Variants in SYVN1 observed in about 807,000 individuals in gnomAD.
SYVN1 encodes the protein synoviolin 1.
Under a neutral mutation model 62.6 loss-of-function variants are expected in SYVN1, and 17 were observed. The observed-to-expected ratio is 0.27, with a 90% CI of 0.19 to 0.41. The LOEUF (loss-of-function observed/expected upper bound fraction) is 0.41. Ranked by LOEUF, SYVN1 falls within the 10% of genes least tolerant of loss-of-function variation. The pLI, the probability that SYVN1 is intolerant of heterozygous loss-of-function variation, is 1.00. For synonymous variants in SYVN1, 316 were observed against 304.0 expected, an observed-to-expected ratio of 1.04 and a Z score of -0.41; for missense variants, 634 against 818.0, an observed-to-expected ratio of 0.78 and a Z score of 2.74.
chr11:65,131,274 C>T lies in SYVN1; in HGVS notation c.758G>A (p.Arg253Lys). Residue 253 changes from arginine to lysine, a missense_variant and splice_region_variant, in exon 8 of 16, where the codon AGA (arginine) becomes AAA (lysine). By Grantham distance (26) the Arg-to-Lys change is conservative (BLOSUM62 2). Around this residue, in one of 2 missense-constraint regions of SYVN1, gnomAD observed 283 missense variants for 444.7 expected, o/e 0.64. Coordinates refer to ENST00000377190, the MANE Select transcript of SYVN1 (RefSeq NM_172230.3). Reference protein sequence around the residue: ...FAIRPMYLAMRQFKKAVTDAI... With the variant: ...FAIRPMYLAMKQFKKAVTDAI... ...GATCGGGGGACAGGGCCGGGCTCAC[C>T]TCATGGCCAGGTACATGGGCCGGAT... 6.2e-7 allele frequency: 1 copy of T among 1,614,076 alleles called. No homozygotes were observed. Among genetic ancestry groups the T allele is most frequent in the Non-Finnish European group, 8.5e-7 (1 of 1,179,974 alleles).
chr11:65,132,476 C>G (rs1948193819), intron 5 of SYVN1, 125 bp from the exon 6 acceptor site: 2 of 772,696 alleles, frequency 2.6e-6, no homozygotes, highest in Non-Finnish European at 4.3e-6. Context: ...GGTGGGCACA[C>G]TCCACTGAAC....
chr11:65,129,734 G>A lies in SYVN1; in HGVS notation c.1590C>T (p.Ser530=), dbSNP rs1373364321. 1 of 1,614,146 alleles carries A rather than the reference G, an allele frequency of 6.2e-7. No homozygotes were observed. The highest frequency in any genetic ancestry group is 8.5e-7 in the Non-Finnish European group (1 of 1,179,970). The stretch of plus-strand genomic sequence containing the variant: ...CTTCCCCTGTACAGACACACCCCAA[G>A]GAGGCCAGCACGGTGAGGTACTGGT... ...QINQYLTVLA[S]LGPPRPATSV... Residue 530 remains serine (S), a synonymous_variant, in exon 14 of 16, where the codon TCC becomes TCT. Transcript: ENST00000377190.
chr11:65,128,270 T>A lies in SYVN1; in HGVS notation c.*112A>T. The stretch of plus-strand genomic sequence containing the variant: ...GGGGATGCCGCCTCTTTCTCAGAGC[T>A]GGGGGTACTACTCCCTGGTGCAGAC... On this transcript the variant is annotated 3_prime_UTR_variant, in exon 16 of 16. Coordinates refer to ENST00000377190, the MANE Select transcript of SYVN1 (RefSeq NM_172230.3). 1 of 885,750 alleles carries A rather than the reference T, an allele frequency of 1.1e-6. No homozygotes were observed. Among genetic ancestry groups the A allele is most frequent in the East Asian group, 2.6e-5 (1 of 37,954 alleles). The allele number at this position is 885,750 out of a possible 1,614,324, so 54.9% of individuals were successfully genotyped here. A position where few individuals can be genotyped will look rare whatever the true frequency, so the allele number is the denominator to read the frequency against.
intron 1 of SYVN1, 23 bp from the exon 2 acceptor site, chr11:65,133,641 T>C (rs1480473055): frequency 1.3e-5 from 20 of 1,592,370 alleles, no homozygotes; most frequent in African/African-American, 2.7e-5. Context: ...AGAAAATAAC[T>C]TATGTGATGC....
Position 65,128,132 on chromosome 11 carries a change from A to G in SYVN1, c.*250T>C. On this transcript the variant is annotated 3_prime_UTR_variant, in exon 16 of 16. Transcript: ENST00000377190. ...CTAAACCTTCTGCCTTCATGGCCCC[A>G]GCAGAACACAGGGCTGAAGAGTTGG... The G allele has an allele frequency of 3.4e-6, 2 of 583,750 alleles. No individual in the cohort carries two copies. Among genetic ancestry groups the G allele is most frequent in the Non-Finnish European group, 6.1e-6 (2 of 327,646 alleles). 36.2% of individuals were successfully genotyped at this position (583,750 alleles called of 1,614,324 possible).
At chr11:65,130,223 CT>C in intron 12 of SYVN1, 27 bp downstream of exon 12, 1 of 1,609,560 alleles carries the variant, frequency 6.2e-7, no homozygotes. Context: ...CTGCCGCCCC[CT>C]GGCTGTCACA....
chr11:65,133,521 G>C lies in SYVN1; in HGVS notation c.81C>G (p.His27Gln). ...AVVAHAYYLKHQFYPTVVYLT... is the reference protein window; with the variant it reads ...AVVAHAYYLKQQFYPTVVYLT... Reference sequence around the variant, plus strand: ...GGTACACCACAGTGGGGTAGAACTGGTGTTTGAGGTAGTAGGCGTGAGCCA... The same window carrying C: ...GGTACACCACAGTGGGGTAGAACTGCTGTTTGAGGTAGTAGGCGTGAGCCA... Residue 27 changes from histidine to glutamine, a missense_variant, in exon 2 of 16, where the codon CAC (histidine) becomes CAG (glutamine). This residue lies in a region of SYVN1 where 283 missense variants were observed against 444.7 expected (regional missense o/e 0.64). Transcript: ENST00000377190. The C allele has an allele frequency of 1.2e-6, 2 of 1,613,812 alleles. No homozygotes were observed. Among genetic ancestry groups the C allele is most frequent in the Non-Finnish European group, 1.7e-6 (2 of 1,180,034 alleles).
intron 14 of SYVN1, 73 bp downstream of exon 14, chr11:65,129,656 C>T: frequency 6.8e-7 from 1 of 1,476,206 alleles, no homozygotes; most frequent in Non-Finnish European, 9.4e-7. Context: ...GGCCAAGAAC[C>T]ACTGCTGGGG....
rs1177922712 is a variant in SYVN1, at chr11:65,132,923, A to G, written c.377T>C (p.Phe126Ser). Reference sequence around the variant, plus strand: ...CCAGAACTCCCTGCCTTGACTCACAAAGTCCACACGGTCCTCAGCCAGCCA... The same window carrying G: ...CCAGAACTCCCTGCCTTGACTCACAGAGTCCACACGGTCCTCAGCCAGCCA... The part of the protein sequence containing the change: ...FHWLAEDRVD[F>S]MERSPNISWL... Residue 126 changes from phenylalanine to serine, a missense_variant and splice_region_variant, in exon 4 of 16, where the codon TTT becomes TCT. By Grantham distance (155) the Phe-to-Ser change is radical (BLOSUM62 -2). Transcript: ENST00000377190. 2 of 1,613,980 alleles carry G rather than the reference A, an allele frequency of 1.2e-6. No homozygotes were observed. Among genetic ancestry groups the G allele is most frequent in the African/African-American group, 2.7e-5 (2 of 74,920 alleles).
intron 6 of SYVN1, among the ~76,000 whole-genome samples, chr11:65,131,871 G>A (rs1470409035): frequency 3.9e-5 from 6 of 152,156 alleles, no homozygotes; most frequent in Admixed American, 2.6e-4. Context: ...TCAGCATAGG[G>A]CCTGGTGTGA....
At chr11:65,130,846 G>A (rs781627847) in intron 10 of SYVN1, 23 bp from the exon 11 acceptor site, 1 of 1,596,756 alleles carries the variant, frequency 6.3e-7, no homozygotes, top group African/African-American at 1.3e-5. Flanking sequence ...GCCAGGCAGA[G>A]GTCAGCAGGT....
chr11:65,133,627 G>C lies in SYVN1; in HGVS notation c.-17-9C>G. 3 of 1,601,950 alleles carry C rather than the reference G, an allele frequency of 1.9e-6. No homozygotes were observed. Among genetic ancestry groups the C allele is most frequent in the Non-Finnish European group, 2.5e-6 (3 of 1,177,706 alleles). ...TGCCCTGGCCCGGAGACCTGCATGG[G>C]GCAAGAAAATAACTTATGTGATGCT... On this transcript the variant is annotated splice_polypyrimidine_tract_variant and intron_variant, in intron 1 of 15. Coordinates refer to ENST00000377190, the MANE Select transcript of SYVN1 (RefSeq NM_172230.3).
chr11:65,130,506 G>A (rs1948163620), intron 11 of SYVN1, 127 bp from the exon 12 acceptor site: 2 of 1,399,488 alleles, frequency 1.4e-6, no homozygotes, highest in Non-Finnish European at 1.9e-6. Flanking sequence ...TGGTCACACT[G>A]ACTGCAAGCA....
In SYVN1 at chr11:65,132,752, A is replaced by T; in HGVS notation, c.407T>A (p.Leu136His). Residue 136 changes from leucine to histidine, a missense_variant, in exon 5 of 16, where the codon CTC (leucine) becomes CAC (histidine). By Grantham distance (99) the Leu-to-His change is moderately conservative. Around this residue, in one of 2 missense-constraint regions of SYVN1, gnomAD observed 283 missense variants for 444.7 expected, o/e 0.64. Transcript: ENST00000377190. ...FMERSPNISWLFHCRIVSLMF... is the reference protein window; with the variant it reads ...FMERSPNISWHFHCRIVSLMF... ...CTCACAGACAATGCGGCAGTGAAAG[A>T]GCCAGGAGATGTTGGGGCTGCGTTC... 1 of 1,614,052 alleles carries T rather than the reference A, an allele frequency of 6.2e-7. No individual in the cohort carries two copies. Among genetic ancestry groups the T allele is most frequent in the Non-Finnish European group, 8.5e-7 (1 of 1,180,010 alleles).
At position 65,128,409 on chromosome 11, in the gene SYVN1, C is replaced by A. The variant is rs1213004511; in HGVS notation, c.1827G>T (p.Gln609His). ...DAAELRRRRL[Q>H]KLESPVAH Reference sequence around the variant, plus strand: ...AGTGGGCAACAGGAGACTCCAGCTTCTGCAGGCGGCGCCGGCGGAGCTCTG... The same window carrying A: ...AGTGGGCAACAGGAGACTCCAGCTTATGCAGGCGGCGCCGGCGGAGCTCTG... The change falls in exon 16 of 16, where the codon CAG (glutamine) becomes CAT (histidine). Residue 609 changes from glutamine (Q) to histidine (H), a missense_variant. Gln to His is a conservative substitution (Grantham distance 24, BLOSUM62 0). Around this residue, in one of 2 missense-constraint regions of SYVN1, gnomAD observed 351 missense variants for 373.3 expected, o/e 0.94. Transcript: ENST00000377190. The A allele has an allele frequency of 1.9e-6, 3 of 1,613,682 alleles. No homozygotes were observed. The highest frequency in any genetic ancestry group is 2.5e-6 in the Non-Finnish European group (3 of 1,179,964).
In SYVN1 at chr11:65,130,758, G is replaced by T; in HGVS notation, c.1007C>A (p.Ala336Glu). 6.5e-7 allele frequency: 1 copy of T among 1,538,800 alleles called. No homozygotes were observed. The highest frequency in any genetic ancestry group is 1.3e-5 in the South Asian group (1 of 78,446). Reference sequence around the variant, plus strand: ...TGGTGGTGACTGCGCTGGCAGCGATGCACGAAGGACATCCATACGGCAGGT... The same window carrying T: ...TGGTGGTGACTGCGCTGGCAGCGATTCACGAAGGACATCCATACGGCAGGT... The part of the protein sequence containing the change: ...CPTCRMDVLR[A>E]SLPAQSPPPP... The change falls in exon 11 of 16, where the codon GCA becomes GAA. Residue 336 changes from alanine (A) to glutamate (E), a missense_variant. Physicochemically the swap from Ala to Glu is moderately radical, Grantham distance 107. Transcript: ENST00000377190.
At chr11:65,131,448 G>A (rs1208326705) in intron 7 of SYVN1, 22 bp downstream of exon 7, 4 of 1,614,004 alleles carry the variant, frequency 2.5e-6, no homozygotes, top group Non-Finnish European at 3.4e-6. Flanking sequence ...TCCAGATCAG[G>A]AGAGGCCCAG....
chr11:65,130,584 T>G (rs1948164542), intron 11 of SYVN1, 76 bp downstream of exon 11: 9 of 1,468,094 alleles, frequency 6.1e-6, no homozygotes, highest in Non-Finnish European at 8.1e-6. Context: ...ACTCTCCAAT[T>G]TCCCAGCATC....
intron 14 of SYVN1, 176 bp from the exon 15 acceptor site, chr11:65,128,890 A>C: frequency 6.7e-5 from 45 of 670,044 alleles, no homozygotes; most frequent in Non-Finnish European, 9.4e-5. Context: ...GACTGGACTC[A>C]AGGGCCAAAT....
Sources: gnomAD v4.1 joint callset for allele counts (sites outside exome capture counted in the v4.1 genomes callset) on GRCh38, gnomAD v4.1.1 for gene constraint, gnomAD v4.1.1 regional missense constraint, MANE v1.5 for transcripts, NCBI Gene and HGNC (gene_info 2026-07-23, HGNC 2026-07-21) for gene names.